IBTK: variants seen among roughly 807,000 people sequenced by gnomAD.
IBTK encodes inhibitor of Bruton tyrosine kinase.
IBTK carries 83 observed loss-of-function variants against 154.9 expected under a neutral mutation model. The ratio of observed to expected loss-of-function variants is 0.54; its 90% CI spans 0.45 to 0.64. The LOEUF is 0.64. Ranked by LOEUF, IBTK falls within the 30% of genes least tolerant of loss-of-function variation. The pLI, the probability that IBTK is intolerant of heterozygous loss-of-function variation, is 0.00. For synonymous variants in IBTK, 515 were observed against 536.1 expected (o/e 0.96, Z 0.54); for missense variants, 1,332 against 1,584.6 (o/e 0.84, Z 2.71).
At chr6:82,231,113 T>G (rs1239578670) in intron 4 of IBTK, among the ~76,000 whole-genome samples, 1 of 152,160 alleles carries the variant, frequency 6.6e-6, no homozygotes, top group Non-Finnish European at 1.5e-5. Flanking sequence ...AATAATTAAA[T>G]AGAATGACTG....
rs982895698 is a variant in IBTK at position 82,247,712 on chromosome 6, A to G, written c.-508T>C. On this transcript the variant is annotated 5_prime_UTR_variant, in exon 1 of 29. Transcript: ENST00000306270. ...GGTCAGTTCGGCAGGCGGCTGCAAT[A>G]CAGCCGCTACTACAGGAATCGGGAA... 7.5e-6 allele frequency: 3 copies of G among 398,176 alleles called. 1 individual carries two copies. Among genetic ancestry groups the G allele is most frequent in the African/African-American group, 6.2e-5 (3 of 48,620 alleles). 24.7% of individuals were successfully genotyped at this position (398,176 alleles called of 1,614,324 possible). A position where few individuals can be genotyped will look rare whatever the true frequency, so the allele number is the denominator to read the frequency against.
rs1562099475 is a variant in IBTK, at chr6:82,224,083, T to G, written c.928A>C (p.Asn310His). ...TREAVYTMGLNGGQLGCLLDP... is the reference protein window; with the variant it reads ...TREAVYTMGLHGGQLGCLLDP... ...GATTTCTTACCCAGTTGTCCACCAT[T>G]TAGTCCCATAGTGTAAACAGCTTCT... The change falls in exon 7 of 29, where the codon AAT becomes CAT. Residue 310 changes from asparagine (N) to histidine (H), a missense_variant. Asn to His is a moderately conservative substitution (Grantham distance 68). Around this residue, in one of 3 missense-constraint regions of IBTK, gnomAD observed 1,134 missense variants for 1,274.7 expected, o/e 0.89. Transcript: ENST00000306270. 6.3e-7 allele frequency: 1 copy of G among 1,586,838 alleles called. No homozygotes were observed.
chr6:82,202,667 G>T, intron 17 of IBTK, 22 bp from the exon 18 acceptor site: 1 of 1,357,622 alleles, frequency 7.4e-7, no homozygotes, highest in Non-Finnish European at 1.0e-6. Context: ...GAAAAGATTT[G>T]CAAAATTAGA....
chr6:82,210,721 G>A (rs563484338), intron 16 of IBTK, 93 bp downstream of exon 16: 2 of 523,662 alleles, frequency 3.8e-6, no homozygotes, highest in South Asian at 3.9e-5. Context: ...CTTTATTGAT[G>A]GTTTTTTTCT....
At chr6:82,245,204 A>G (rs1383215751) in intron 1 of IBTK, among the ~76,000 whole-genome samples, 1 of 152,172 alleles carries the variant, frequency 6.6e-6, no homozygotes, top group East Asian at 1.9e-4. Context: ...CGGGGAGTGC[A>G]GAAGAGGGGT....
intron 21 of IBTK, among the ~76,000 whole-genome samples, chr6:82,199,136 G>C (rs934243163): frequency 6.6e-6 from 1 of 152,116 alleles, no homozygotes. Context: ...GTGTAGAAGA[G>C]TATTCCCATC....
At chr6:82,201,774 G>A (rs1266584801) in intron 18 of IBTK, among the ~76,000 whole-genome samples, 5 of 151,664 alleles carry the variant, frequency 3.3e-5, no homozygotes, top group South Asian at 2.1e-4. Flanking sequence ...CCAGGCTGGA[G>A]TGCAGTGGTG....
intron 8 of IBTK, among the ~76,000 whole-genome samples, chr6:82,222,614 G>T (rs1770139630): frequency 1.3e-5 from 2 of 152,142 alleles, no homozygotes; most frequent in African/African-American, 2.4e-5. Flanking sequence ...GATTCAAAAT[G>T]TATTAAAAAT....
intron 26 of IBTK, among the ~76,000 whole-genome samples, chr6:82,179,111 C>T (rs1055987062): frequency 2.0e-5 from 3 of 152,172 alleles, no homozygotes; most frequent in African/African-American, 7.2e-5. Context: ...AGTATCACAC[C>T]AGACTGACTC....
chr6:82,171,601 A>C (rs746932197), intron 28 of IBTK, 45 bp from the exon 29 acceptor site: 2 of 1,517,356 alleles, frequency 1.3e-6, no homozygotes, highest in African/African-American at 1.4e-5. Context: ...TTTTAATTAT[A>C]AACTAAGCAG....
At chr6:82,223,412 T>C in intron 8 of IBTK, 28 bp downstream of exon 8, 2 of 1,543,106 alleles carry the variant, frequency 1.3e-6, no homozygotes, top group Non-Finnish European at 1.8e-6. Context: ...TTATTAAAAT[T>C]ACGTTTCTTT....
intron 9 of IBTK, among the ~76,000 whole-genome samples, chr6:82,219,223 C>T (rs1221927429): frequency 6.6e-6 from 1 of 151,974 alleles, no homozygotes; most frequent in African/African-American, 2.4e-5. Context: ...AGCATCACAT[C>T]ACCCAAGTAT....
intron 25 of IBTK, among the ~76,000 whole-genome samples, chr6:82,183,797 G>A (rs1334151127): frequency 6.6e-6 from 1 of 152,200 alleles, no homozygotes; most frequent in Non-Finnish European, 1.5e-5. Context: ...TGATTGTATT[G>A]TGAGATGAGA....
chr6:82,182,096 G>T, intron 25 of IBTK, 68 bp from the exon 26 acceptor site: 1 of 1,486,162 alleles, frequency 6.7e-7, no homozygotes, highest in South Asian at 1.3e-5. Flanking sequence ...GAAGTTATAA[G>T]AGAACAATAA....
chr6:82,242,970 G>A (rs1405082245), intron 1 of IBTK, among the ~76,000 whole-genome samples: 3 of 151,688 alleles, frequency 2.0e-5, no homozygotes, highest in Admixed American at 6.6e-5. Flanking sequence ...AGACGGGCAC[G>A]GTGGCTCATG....
intron 17 of IBTK, among the ~76,000 whole-genome samples, chr6:82,203,430 C>A (rs567935975): frequency 1.3e-5 from 2 of 152,094 alleles, no homozygotes; most frequent in Non-Finnish European, 2.9e-5. Flanking sequence ...TCTTGCATTT[C>A]TTTTTCTTTC....
At chr6:82,173,342 C>G in intron 27 of IBTK, 25 bp downstream of exon 27, 1 of 1,548,724 alleles carries the variant, frequency 6.5e-7, no homozygotes, top group Non-Finnish European at 8.9e-7. Context: ...GCTTTGGAGG[C>G]CCATAACTTA....
intron 25 of IBTK, among the ~76,000 whole-genome samples, 173 bp downstream of exon 25, chr6:82,190,900 A>G (rs1467108640): frequency 6.6e-6 from 1 of 151,994 alleles, no homozygotes; most frequent in African/African-American, 2.4e-5. Context: ...AAACAACAAC[A>G]AAAAAAGTGT....
At position 82,240,587 on chromosome 6, in the gene IBTK, T is replaced by C; in HGVS notation, c.-101A>G. 1 of 902,732 alleles carries C rather than the reference T, an allele frequency of 1.1e-6. No individual in the cohort carries two copies. The highest frequency in any genetic ancestry group is 1.7e-6 in the Non-Finnish European group (1 of 591,320). The allele number at this position is 902,732 out of a possible 1,614,324, so 55.9% of individuals were successfully genotyped here. A position where few individuals can be genotyped will look rare whatever the true frequency, so the allele number is the denominator to read the frequency against. ...GTGCTATTGAGGAAGTTACAGAGAA[T>C]AAATTACCTTTTTAGGATAATTTAA... On this transcript the variant is annotated 5_prime_UTR_variant, in exon 2 of 29. Coordinates refer to ENST00000306270, the MANE Select transcript of IBTK (RefSeq NM_015525.4).
Sources: gnomAD v4.1 joint callset for allele counts (sites outside exome capture counted in the v4.1 genomes callset) on GRCh38, gnomAD v4.1.1 for gene constraint, gnomAD v4.1.1 regional missense constraint, MANE v1.5 for transcripts, NCBI Gene and HGNC (gene_info 2026-07-23, HGNC 2026-07-21) for gene names.